CMSS1: variants seen among roughly 807,000 people sequenced by gnomAD.
CMSS1 encodes the protein protein CMSS1.
Under a neutral mutation model 43.5 loss-of-function variants are expected in CMSS1, and 33 were observed. That is an observed-to-expected ratio of 0.76 (90% CI 0.57 to 1.01). The LOEUF (loss-of-function observed/expected upper bound fraction) is 1.01. Among genes scored for constraint, CMSS1 ranks in the 50% least tolerant of loss-of-function variants. CMSS1 has a pLI of 0.00. For missense variants in CMSS1, 313 were observed against 326.4 expected (o/e 0.96, Z 0.32); for synonymous variants, 115 against 117.2 (o/e 0.98, Z 0.12).
intron 1 of CMSS1, among the ~76,000 whole-genome samples, chr3:99,922,654 C>T (rs1356623594): frequency 6.6e-6 from 1 of 152,190 alleles, no homozygotes; most frequent in Non-Finnish European, 1.5e-5. Flanking sequence ...AGATTGGTTA[C>T]TTTCCATCTT....
At chr3:100,028,494 A>G (rs540686030) in intron 1 of CMSS1, among the ~76,000 whole-genome samples, 16 of 152,298 alleles carry the variant, frequency 1.1e-4, no homozygotes, top group African/African-American at 3.6e-4. Flanking sequence ...CAGATGGAGT[A>G]TGATTTAATT....
chr3:99,892,842 T>G (rs1289818626), intron 1 of CMSS1, among the ~76,000 whole-genome samples: 2 of 152,228 alleles, frequency 1.3e-5, no homozygotes, highest in African/African-American at 2.4e-5. Context: ...TAAACATAGG[T>G]CAAGTTCATG....
chr3:99,944,973 G>T (rs1707965357), intron 1 of CMSS1, among the ~76,000 whole-genome samples: 1 of 152,178 alleles, frequency 6.6e-6, no homozygotes, highest in Admixed American at 6.5e-5. Flanking sequence ...TCATTATTCG[G>T]CTCATTCTAG....
At chr3:99,897,355 G>A (rs1229868703) in intron 1 of CMSS1, among the ~76,000 whole-genome samples, 1 of 151,474 alleles carries the variant, frequency 6.6e-6, no homozygotes, top group Non-Finnish European at 1.5e-5. Context: ...GGGGACAAGA[G>A]CTAGACTTTG....
intron 1 of CMSS1, chr3:99,874,139 G>A (rs1705385214): frequency 6.6e-6 from 1 of 152,098 alleles, no homozygotes; most frequent in Non-Finnish European, 1.5e-5. Context: ...ATATTAAAGA[G>A]TGTTATTTTT....
intron 1 of CMSS1, among the ~76,000 whole-genome samples, chr3:100,037,963 G>A (rs1402935822): frequency 7.9e-6 from 1 of 127,098 alleles, no homozygotes; most frequent in African/African-American, 3.0e-5. Flanking sequence ...TTTTGGGGGG[G>A]GAGGGAACAG....
chr3:100,093,791 A>ATATTTAT (rs2066155369), intron 1 of CMSS1, among the ~76,000 whole-genome samples: 1 of 152,236 alleles, frequency 6.6e-6, no homozygotes, highest in Non-Finnish European at 1.5e-5. Context: ...TATAAATAGA[A>ATATTTAT]TCATACAACA....
chr3:100,092,769 C>T (rs1182440267), intron 1 of CMSS1, among the ~76,000 whole-genome samples: 2 of 151,150 alleles, frequency 1.3e-5, no homozygotes, highest in East Asian at 1.9e-4. Context: ...TCTTATCTCC[C>T]TGCATTCAGC....
chr3:99,870,681 C>T (rs952951666), intron 1 of CMSS1, among the ~76,000 whole-genome samples: 1 of 152,160 alleles, frequency 6.6e-6, no homozygotes, highest in Non-Finnish European at 1.5e-5. Context: ...AATTATAAGC[C>T]CTAGGCTAGC....
chr3:99,951,863 C>T (rs1708186504), intron 1 of CMSS1, among the ~76,000 whole-genome samples: 1 of 152,186 alleles, frequency 6.6e-6, no homozygotes, highest in African/African-American at 2.4e-5. Flanking sequence ...ATGTGAATGG[C>T]TGTGGCTATG....
chr3:99,985,781 G>T (rs953441534), intron 1 of CMSS1, among the ~76,000 whole-genome samples: 1 of 152,170 alleles, frequency 6.6e-6, no homozygotes, highest in African/African-American at 2.4e-5. Context: ...TAGAGATGGG[G>T]TTTCCCCATG....
rs145945321 is a variant in CMSS1, at chr3:99,893,381, G to A, written c.64+75338G>A. Among the ~76,000 whole-genome samples, 687 of 152,036 alleles carry A rather than the reference G, an allele frequency of 4.5e-3. 7 individuals are homozygous for A. Among genetic ancestry groups the A allele is most frequent in the African/African-American group, 0.016 (673 of 41,446 alleles). ...GGGGTTTCACTGTATTAGCCAGAAT[G>A]GTCTCGATCTCCTGACCTCGTGATC... On this transcript the variant is annotated intron_variant, in intron 1 of 9. Coordinates refer to ENST00000421999, the MANE Select transcript of CMSS1 (RefSeq NM_032359.4).
chr3:99,883,024 A>G (rs1315862805), intron 1 of CMSS1, among the ~76,000 whole-genome samples: 2 of 138,906 alleles, frequency 1.4e-5, no homozygotes. Flanking sequence ...GGTTCTGTAC[A>G]TGAGAAATTC....
At chr3:100,035,504 C>T (rs1300616690) in intron 1 of CMSS1, among the ~76,000 whole-genome samples, 1 of 152,140 alleles carries the variant, frequency 6.6e-6, no homozygotes, top group Non-Finnish European at 1.5e-5. Context: ...AACTCCTGAT[C>T]CACCCGCCTC....
intron 1 of CMSS1, among the ~76,000 whole-genome samples, chr3:99,858,335 C>T (rs914375117): frequency 2.0e-5 from 3 of 151,910 alleles, no homozygotes; most frequent in Non-Finnish European, 4.4e-5. Context: ...CATGGTGGCA[C>T]GTGCCTGTGG....
intron 1 of CMSS1, among the ~76,000 whole-genome samples, chr3:99,886,353 G>A (rs1223157827): frequency 3.3e-5 from 5 of 151,636 alleles, no homozygotes; most frequent in Admixed American, 3.3e-4. Context: ...GGGCCACACT[G>A]GAAGAAGAAA....
chr3:100,091,771 A>G (rs188409286), intron 1 of CMSS1, among the ~76,000 whole-genome samples: 135 of 152,358 alleles, frequency 8.9e-4, no homozygotes, highest in Non-Finnish European at 1.4e-3. Context: ...TTTTCTAGAC[A>G]TATTTCCAAT....
intron 1 of CMSS1, among the ~76,000 whole-genome samples, chr3:99,858,909 T>G (rs977288640): frequency 6.6e-6 from 1 of 152,242 alleles, no homozygotes; most frequent in South Asian, 2.1e-4. Context: ...GTCAGCCTTT[T>G]GCTTCATCCT....
intron 1 of CMSS1, among the ~76,000 whole-genome samples, chr3:99,837,970 G>A (rs1942968802): frequency 5.9e-5 from 9 of 152,166 alleles, no homozygotes; most frequent in Admixed American, 5.9e-4. Flanking sequence ...GATGTGCATG[G>A]TTGTGATGTT....
Sources: gnomAD v4.1 joint callset for allele counts (sites outside exome capture counted in the v4.1 genomes callset) on GRCh38, gnomAD v4.1.1 for gene constraint, MANE v1.5 for transcripts, NCBI Gene and HGNC (gene_info 2026-07-23, HGNC 2026-07-21) for gene names.